Variants in SMURF2 observed in about 807,000 individuals in gnomAD.
SMURF2 encodes the protein E3 ubiquitin-protein ligase SMURF2.
Under a neutral mutation model 109.6 loss-of-function variants are expected in SMURF2, and 48 were observed. That is an observed-to-expected ratio of 0.44 (90% confidence interval 0.35 to 0.56). The LOEUF (loss-of-function observed/expected upper bound fraction) is 0.56, where lower values mean the gene tolerates loss of function less well. Among genes scored for constraint, SMURF2 ranks in the 20% least tolerant of loss-of-function variants. The pLI, the probability that SMURF2 is intolerant of heterozygous loss-of-function variation, is 0.01. For synonymous variants in SMURF2, 288 were observed against 317.1 expected (o/e 0.91, Z 0.97); for missense variants, 575 against 909.0 (o/e 0.63, Z 4.72).
chr17:64,656,444 T>A (rs2144739948), intron 1 of SMURF2, among the ~76,000 whole-genome samples: 3 of 152,342 alleles, frequency 2.0e-5, no homozygotes, highest in Admixed American at 2.0e-4. Flanking sequence ...CACGAATGTT[T>A]AAATGGCACA....
intron 16 of SMURF2, among the ~76,000 whole-genome samples, chr17:64,550,309 C>T (rs1243022034): frequency 6.6e-6 from 1 of 152,162 alleles, no homozygotes; most frequent in Non-Finnish European, 1.5e-5. Flanking sequence ...TGTGTTATCC[C>T]TAACTACTAA....
chr17:64,613,806 A>G (rs1181520016), intron 1 of SMURF2, among the ~76,000 whole-genome samples: 1 of 150,068 alleles, frequency 6.7e-6, no homozygotes, highest in African/African-American at 2.5e-5. Flanking sequence ...CATTACATTT[A>G]TTGTGCACTT....
chr17:64,563,933 A>G (rs781938525), intron 10 of SMURF2, among the ~76,000 whole-genome samples: 2 of 152,172 alleles, frequency 1.3e-5, no homozygotes, highest in Non-Finnish European at 2.9e-5. Flanking sequence ...TCTTCAAAAG[A>G]CACTGTTTAG....
At chr17:64,566,561 G>GTTTTTTTTCTTTTTTTTTTTTTT (rs1969306621) in intron 10 of SMURF2, among the ~76,000 whole-genome samples, 1 of 43,784 alleles carries the variant, frequency 2.3e-5, no homozygotes, top group Non-Finnish European at 4.2e-5. Flanking sequence ...AAGCTTTCTG[G>GTTTTTTTTCTTTTTTTTTTTTTT]TTTTTTTTTT....
At chr17:64,619,478 CAAAAAAAAAA>C (rs552413988) in intron 1 of SMURF2, among the ~76,000 whole-genome samples, 2 of 34,930 alleles carry the variant, frequency 5.7e-5, no homozygotes, top group African/African-American at 1.1e-4. Context: ...ACTCTTGTCT[CAAAAAAAAAA>C]AAAAAAAAAA....
chr17:64,630,930 T>C (rs1007817867), intron 1 of SMURF2, among the ~76,000 whole-genome samples: 3 of 152,006 alleles, frequency 2.0e-5, no homozygotes, highest in Non-Finnish European at 4.4e-5. Flanking sequence ...GAAAAGTCTG[T>C]TTCATCAGTT....
chr17:64,571,068 C>A (rs1310847500), intron 10 of SMURF2, among the ~76,000 whole-genome samples: 2 of 152,194 alleles, frequency 1.3e-5, no homozygotes, highest in African/African-American at 4.8e-5. Flanking sequence ...CAGCATGAGC[C>A]ACATGCCTGG....
At chr17:64,610,720 C>T (rs1050967358) in intron 1 of SMURF2, among the ~76,000 whole-genome samples, 4 of 152,230 alleles carry the variant, frequency 2.6e-5, no homozygotes, top group South Asian at 2.1e-4. Context: ...CAAAACTGCA[C>T]GTTCTGCACA....
intron 1 of SMURF2, among the ~76,000 whole-genome samples, chr17:64,637,945 C>CAAAAAAAAAAAAAAAAAAAAAAAA (rs1970441640): frequency 3.1e-5 from 4 of 130,510 alleles, no homozygotes; most frequent in Non-Finnish European, 4.6e-5. Context: ...AAAAAAAAAT[C>CAAAAAAAAAAAAAAAAAAAAAAAA]AACTGACCAC....
chr17:64,591,143 C>T lies in SMURF2; in HGVS notation c.341G>A (p.Arg114Lys). ...TGGCCCGAGTTTGCATAAATCCAAC[C>T]TCTGATCTATTTGAAGTCAACAAAG... Reference protein sequence around the residue: ...INRLKDTGYQRLDLCKLGPND... With the variant: ...INRLKDTGYQKLDLCKLGPND... The change falls in exon 5 of 19, where the codon AGG (arginine) becomes AAG (lysine). Residue 114 changes from arginine (R) to lysine (K), a missense_variant. Physicochemically the swap from Arg to Lys is conservative, Grantham distance 26. Coordinates refer to ENST00000262435, the MANE Select transcript of SMURF2 (RefSeq NM_022739.4). 1.9e-6 allele frequency: 3 copies of T among 1,612,244 alleles called. No individual in the cohort carries two copies. Among genetic ancestry groups the T allele is most frequent in the Non-Finnish European group, 2.5e-6 (3 of 1,179,178 alleles).
rs201019252 is a variant in SMURF2, at chr17:64,596,295, ACTTAT to A, written c.200+2082_200+2086del. Among the ~76,000 whole-genome samples the A allele has an allele frequency of 3.2e-4, 48 of 152,142 alleles. No individual in the cohort carries two copies. The East Asian group carries it at 8.9e-3, about 28-fold the overall frequency. Reference sequence around the variant, plus strand: ...TGCTTAATGTCATCTGTTTCTTTTTACTTATCTTAACGTGGATGCTAGGAAATTTA... The same window carrying A: ...TGCTTAATGTCATCTGTTTCTTTTTACTTAACGTGGATGCTAGGAAATTTA... On this transcript the variant is annotated intron_variant, in intron 3 of 18. Coordinates refer to ENST00000262435, the MANE Select transcript of SMURF2 (RefSeq NM_022739.4).
At chr17:64,629,981 T>A (rs1295890665) in intron 1 of SMURF2, among the ~76,000 whole-genome samples, 1 of 152,144 alleles carries the variant, frequency 6.6e-6, no homozygotes, top group East Asian at 1.9e-4. Context: ...CTCACGCCTG[T>A]AATCCCAGGA....
intron 4 of SMURF2, among the ~76,000 whole-genome samples, chr17:64,592,266 G>A (rs1555687754): frequency 6.6e-6 from 1 of 152,104 alleles, no homozygotes; most frequent in African/African-American, 2.4e-5. Context: ...ATTGAACTAG[G>A]GATAATGTCA....
At chr17:64,621,821 A>C (rs1264324332) in intron 1 of SMURF2, among the ~76,000 whole-genome samples, 1 of 151,322 alleles carries the variant, frequency 6.6e-6, no homozygotes, top group East Asian at 1.9e-4. Context: ...CGGAGGTAGC[A>C]GTGAGCAAGA....
chr17:64,643,931 AT>A (rs1474227299), intron 1 of SMURF2, among the ~76,000 whole-genome samples: 1 of 151,928 alleles, frequency 6.6e-6, no homozygotes, highest in African/African-American at 2.4e-5. Flanking sequence ...GGTTCAGGCG[AT>A]TCTCCTGCCT....
intron 1 of SMURF2, among the ~76,000 whole-genome samples, chr17:64,633,128 G>C (rs1238493846): frequency 1.3e-5 from 2 of 152,108 alleles, no homozygotes; most frequent in African/African-American, 4.8e-5. Context: ...AAATTAGCCA[G>C]GCGTGGTGGC....
intron 1 of SMURF2, among the ~76,000 whole-genome samples, chr17:64,629,287 G>A (rs2144705720): frequency 6.6e-6 from 1 of 152,270 alleles, no homozygotes; most frequent in East Asian, 1.9e-4. Context: ...GATCCCTTTA[G>A]CCCAGGAGTT....
At chr17:64,661,508 G>C (rs892896006) in intron 1 of SMURF2, among the ~76,000 whole-genome samples, 1 of 151,998 alleles carries the variant, frequency 6.6e-6, no homozygotes, top group African/African-American at 2.4e-5. Flanking sequence ...GGTAGCCCAG[G>C]GGCTGTTCCC....
chr17:64,579,663 A>T (rs1555686349), intron 8 of SMURF2, among the ~76,000 whole-genome samples: 1 of 152,184 alleles, frequency 6.6e-6, no homozygotes, highest in Non-Finnish European at 1.5e-5. Flanking sequence ...AATGACAGTT[A>T]AAATTTACTA....
Sources: allele counts gnomAD v4.1 joint callset (sites outside exome capture counted in the v4.1 genomes callset), GRCh38; gene constraint gnomAD v4.1.1; transcripts MANE v1.5; gene names NCBI Gene and HGNC (gene_info 2026-07-23, HGNC 2026-07-21).